The following CACNA1E variants were observed in gnomAD, a reference collection of about 807,000 sequenced individuals.
The protein encoded by CACNA1E is calcium voltage-gated channel subunit alpha1 E, also known as voltage-dependent R-type calcium channel subunit alpha-1E.
A neutral mutation model predicts 259.2 loss-of-function variants in CACNA1E; 40 were observed. The ratio of observed to expected loss-of-function variants is 0.15; its 90% CI spans 0.12 to 0.20. The LOEUF (loss-of-function observed/expected upper bound fraction) is 0.20. CACNA1E is among the 10% of genes least tolerant of loss of function. The pLI is 1.00. For missense variants in CACNA1E, 1,874 were observed against 3,040.1 expected, an observed-to-expected ratio of 0.62 and a Z score of 9.02; for synonymous variants, 1,104 against 1,138.5, an observed-to-expected ratio of 0.97 and a Z score of 0.61.
chr1:181,384,159 C>T (rs1163955173), intron 1 of CACNA1E, among the ~76,000 whole-genome samples: 1 of 152,210 alleles, frequency 6.6e-6, no homozygotes, highest in Non-Finnish European at 1.5e-5. Flanking sequence ...CTGGATGGAG[C>T]AGAATCTCCT....
chr1:181,530,389 C>T (rs1211096595), intron 3 of CACNA1E, among the ~76,000 whole-genome samples: 2 of 152,138 alleles, frequency 1.3e-5, no homozygotes, highest in Non-Finnish European at 2.9e-5. Flanking sequence ...CATATACATA[C>T]AGCACTAAAT....
At chr1:181,780,976 C>T (rs1184477138) in intron 38 of CACNA1E, among the ~76,000 whole-genome samples, 1 of 152,144 alleles carries the variant, frequency 6.6e-6, no homozygotes, top group African/African-American at 2.4e-5. Context: ...GGCTGGAGCA[C>T]CGTCTATCCG....
At chr1:181,726,748 G>C (rs1035200662) in intron 18 of CACNA1E, among the ~76,000 whole-genome samples, 3 of 152,166 alleles carry the variant, frequency 2.0e-5, no homozygotes, top group African/African-American at 7.2e-5. Context: ...GTTCTATGGA[G>C]CATAATGGAC....
At chr1:181,589,372 G>C (rs1652402386) in intron 6 of CACNA1E, among the ~76,000 whole-genome samples, 1 of 152,216 alleles carries the variant, frequency 6.6e-6, no homozygotes, top group African/African-American at 2.4e-5. Context: ...CTAACATAAA[G>C]TGATTGACAC....
chr1:181,650,537 C>T (rs1373124856), intron 6 of CACNA1E, among the ~76,000 whole-genome samples: 1 of 152,174 alleles, frequency 6.6e-6, no homozygotes, highest in Non-Finnish European at 1.5e-5. Context: ...TTGAGTGGTA[C>T]AGCTTTTAGA....
At chr1:181,649,093 A>G (rs1658534379) in intron 6 of CACNA1E, among the ~76,000 whole-genome samples, 1 of 152,238 alleles carries the variant, frequency 6.6e-6, no homozygotes, top group Non-Finnish European at 1.5e-5. Context: ...ACGATCTCAG[A>G]GAAAACGGCT....
intron 3 of CACNA1E, among the ~76,000 whole-genome samples, chr1:181,536,109 T>C (rs1176796682): frequency 6.6e-6 from 1 of 152,216 alleles, no homozygotes; most frequent in Non-Finnish European, 1.5e-5. Flanking sequence ...GGTTTCTATT[T>C]ATTTTTATTT....
chr1:181,616,955 G>A (rs963560682), intron 6 of CACNA1E, among the ~76,000 whole-genome samples: 10 of 152,042 alleles, frequency 6.6e-5, no homozygotes, highest in African/African-American at 2.4e-4. Context: ...AAATTTAGTT[G>A]CATAAAGCTC....
Position 181,516,523 on chromosome 1 carries a change from C to T in CACNA1E, c.512+5013C>T, listed in dbSNP as rs116100324. ...CCAAATGGTTGGTATAAGGTAAAGTCAGAATTTGAACCCAGGCCAGTTTGC... is the reference window on the plus strand; with the variant it reads ...CCAAATGGTTGGTATAAGGTAAAGTTAGAATTTGAACCCAGGCCAGTTTGC... On this transcript the variant is annotated intron_variant, in intron 3 of 47. Coordinates refer to ENST00000367573, the MANE Select transcript of CACNA1E (RefSeq NM_001205293.3). 4.2e-3 allele frequency among the ~76,000 whole-genome samples: 639 copies of T among 152,292 alleles called. 6 individuals are homozygous for T. Among genetic ancestry groups the T allele is most frequent in the African/African-American group, 0.015 (616 of 41,552 alleles).
intron 1 of CACNA1E, among the ~76,000 whole-genome samples, chr1:181,486,671 G>GGAT (rs2102484331): frequency 6.6e-6 from 1 of 152,030 alleles, no homozygotes; most frequent in South Asian, 2.1e-4. Context: ...TGTTAAATGA[G>GGAT]GATAATAATA....
chr1:181,720,611 G>C (rs1654331261), intron 14 of CACNA1E, among the ~76,000 whole-genome samples, 172 bp from the exon 15 acceptor site: 1 of 152,136 alleles, frequency 6.6e-6, no homozygotes, highest in East Asian at 1.9e-4. Context: ...TAGTTTATCA[G>C]TAGTAGTCAC....
chr1:181,654,982 C>CAAAAAAAAAAAAAAAAAAAAAAAAAA, intron 7 of CACNA1E, among the ~76,000 whole-genome samples: 1 of 53,400 alleles, frequency 1.9e-5, no homozygotes, highest in Non-Finnish European at 4.4e-5. Flanking sequence ...GACTCCATCT[C>CAAAAAAAAAAAAAAAAAAAAAAAAAA]AAAAAAAAAA....
At chr1:181,649,085 G>A (rs2102049670) in intron 6 of CACNA1E, among the ~76,000 whole-genome samples, 1 of 152,274 alleles carries the variant, frequency 6.6e-6, no homozygotes, top group Non-Finnish European at 1.5e-5. Context: ...ATGTCTTAAC[G>A]ATCTCAGAGA....
chr1:181,580,677 C>T lies in CACNA1E; in HGVS notation c.852C>T (p.Gly284=). 1 of 1,614,036 alleles carries T rather than the reference C, an allele frequency of 6.2e-7. No homozygotes were observed. The highest frequency in any genetic ancestry group is 1.7e-5 in the Admixed American group (1 of 60,028). The change falls in exon 6 of 48, where the codon GGC becomes GGT. Residue 284 remains glycine (G), a synonymous_variant. Coordinates refer to ENST00000367573, the MANE Select transcript of CACNA1E (RefSeq NM_001205293.3). ...PAGYECKDWI[G]PNDGITQFDN... ...GTTATGAATGCAAGGACTGGATCGG[C>T]CCCAATGATGGGATCACCCAGTTTG...
chr1:181,633,673 G>T (rs1259811437), intron 6 of CACNA1E, among the ~76,000 whole-genome samples: 1 of 151,794 alleles, frequency 6.6e-6, no homozygotes, highest in Non-Finnish European at 1.5e-5. Flanking sequence ...TGTATTTTTG[G>T]TAGAGACAGG....
At chr1:181,613,236 A>G (rs1328673492) in intron 6 of CACNA1E, among the ~76,000 whole-genome samples, 2 of 152,118 alleles carry the variant, frequency 1.3e-5, no homozygotes, top group African/African-American at 2.4e-5. Flanking sequence ...GCATTTATGT[A>G]TACATTTAGC....
At chr1:181,327,077 C>G (rs781338044) in intron 1 of CACNA1E, among the ~76,000 whole-genome samples, 1 of 152,206 alleles carries the variant, frequency 6.6e-6, no homozygotes, top group Non-Finnish European at 1.5e-5. Flanking sequence ...AACCGTCAGC[C>G]TCTCCTAGGC....
intron 1 of CACNA1E, 104 bp from the exon 2 acceptor site, chr1:181,510,373 C>T (rs1174897777): frequency 2.8e-5 from 21 of 751,262 alleles, no homozygotes; most frequent in Non-Finnish European, 4.3e-5. Flanking sequence ...ATGCAAACTG[C>T]ACAGACACAA....
At chr1:181,690,229 G>A (rs1279875374) in intron 7 of CACNA1E, among the ~76,000 whole-genome samples, 1 of 152,166 alleles carries the variant, frequency 6.6e-6, no homozygotes, top group African/African-American at 2.4e-5. Context: ...TTATTAAATA[G>A]GGAATCCTTT....
Sources: allele counts gnomAD v4.1 joint callset (sites outside exome capture counted in the v4.1 genomes callset), GRCh38; gene constraint gnomAD v4.1.1; transcripts MANE v1.5; gene names NCBI Gene and HGNC (gene_info 2026-07-23, HGNC 2026-07-21).